Variants in RANBP2 observed in about 807,000 individuals in gnomAD.
RANBP2 encodes RAN binding protein 2.
A neutral mutation model predicts 303.6 loss-of-function variants in RANBP2; 57 were observed. The ratio of observed to expected loss-of-function variants is 0.19; its 90% CI spans 0.15 to 0.23. The LOEUF is 0.23. Ranked by LOEUF, RANBP2 falls within the 10% of genes least tolerant of loss-of-function variation. The pLI is 1.00. For missense variants in RANBP2, 3,138 were observed against 3,780.8 expected, an observed-to-expected ratio of 0.83 and a Z score of 4.46; for synonymous variants, 1,167 against 1,301.5, an observed-to-expected ratio of 0.90 and a Z score of 2.23.
the RANBP2 span, among the ~76,000 whole-genome samples, chr2:109,358,802 T>A: frequency 1.3e-5 from 2 of 152,260 alleles, no homozygotes. Flanking sequence ...GTCTAACTTA[T>A]CAATTCTTTC....
chr2:108,762,068 A>G, intron 18 of RANBP2, 33 bp from the exon 19 acceptor site: 1 of 1,596,476 alleles, frequency 6.3e-7, no homozygotes, highest in Non-Finnish European at 8.5e-7. Flanking sequence ...AGACTTTAAC[A>G]GTGTTTTCTT....
chr2:109,715,266 C>G, the RANBP2 span, among the ~76,000 whole-genome samples: 1 of 152,038 alleles, frequency 6.6e-6, no homozygotes, highest in Non-Finnish European at 1.5e-5. Context: ...AATGCCCAGC[C>G]TATAGTACTT....
At chr2:108,729,062 TTAC>T in intron 1 of RANBP2, 67 bp from the exon 2 acceptor site, 1 of 1,501,726 alleles carries the variant, frequency 6.7e-7, no homozygotes, top group Middle Eastern at 2.4e-4. Context: ...GGACAGATTT[TTAC>T]TACTTTTGAA....
the RANBP2 span, among the ~76,000 whole-genome samples, chr2:109,622,452 A>G: frequency 6.6e-6 from 1 of 152,248 alleles, no homozygotes; most frequent in Admixed American, 6.5e-5. Flanking sequence ...AAAAACAAGC[A>G]TTAATGATTG....
the RANBP2 span, among the ~76,000 whole-genome samples, chr2:108,863,544 C>G: frequency 3.3e-5 from 5 of 152,158 alleles, no homozygotes; most frequent in Admixed American, 6.5e-5. Flanking sequence ...TGGGCATCAT[C>G]AAGACTTGGG....
At chr2:108,869,026 A>G in the RANBP2 span, among the ~76,000 whole-genome samples, 17 of 152,246 alleles carry the variant, frequency 1.1e-4, no homozygotes, top group South Asian at 6.2e-4. Flanking sequence ...CTTTATAAAA[A>G]TTTTGTTTTG....
At chr2:108,750,761 G>T (rs1307216185) in intron 9 of RANBP2, among the ~76,000 whole-genome samples, 1 of 151,986 alleles carries the variant, frequency 6.6e-6, no homozygotes, top group Non-Finnish European at 1.5e-5. Flanking sequence ...CTAATTTTTT[G>T]TGTTTTTAGT....
At chr2:109,799,180 A>G in the RANBP2 span, among the ~76,000 whole-genome samples, 1 of 85,662 alleles carries the variant, frequency 1.2e-5, no homozygotes, top group Non-Finnish European at 2.2e-5. Flanking sequence ...CAGAGGTTGC[A>G]GTGAGCTGAG....
the RANBP2 span, among the ~76,000 whole-genome samples, chr2:109,043,214 ACTTAC>A: frequency 6.6e-6 from 1 of 152,182 alleles, no homozygotes. Flanking sequence ...GCCAGAAACA[ACTTAC>A]CTTTAGTGCG....
chr2:108,909,763 G>T, the RANBP2 span, among the ~76,000 whole-genome samples: 1 of 152,240 alleles, frequency 6.6e-6, no homozygotes, highest in Admixed American at 6.5e-5. Flanking sequence ...AGCAGGGGCT[G>T]GTTCCACACC....
At chr2:109,636,271 A>G in the RANBP2 span, among the ~76,000 whole-genome samples, 1 of 152,024 alleles carries the variant, frequency 6.6e-6, no homozygotes, top group Admixed American at 6.6e-5. Context: ...ATGGTTTAGA[A>G]CTCTCATGGT....
chr2:109,667,574 G>C, the RANBP2 span, among the ~76,000 whole-genome samples: 1 of 152,098 alleles, frequency 6.6e-6, no homozygotes, highest in East Asian at 1.9e-4. Flanking sequence ...GAACAGAGGT[G>C]GTTTTGCGGT....
At chr2:108,907,834 C>A in the RANBP2 span, 2 of 1,613,106 alleles carry the variant, frequency 1.2e-6, no homozygotes, top group South Asian at 2.2e-5. Context: ...TCTCACAGCT[C>A]ATCATGGCAC....
At chr2:109,574,361 G>A in the RANBP2 span, among the ~76,000 whole-genome samples, 2 of 146,780 alleles carry the variant, frequency 1.4e-5, no homozygotes, top group Non-Finnish European at 3.0e-5. Context: ...CAGGAGGATC[G>A]TTTGAGCCCA....
the RANBP2 span, among the ~76,000 whole-genome samples, chr2:109,058,841 G>A: frequency 6.6e-6 from 1 of 152,176 alleles, no homozygotes. Flanking sequence ...AGGCTAATGG[G>A]GGCAGTGAGT....
the RANBP2 span, among the ~76,000 whole-genome samples, chr2:109,422,074 C>T: frequency 2.6e-5 from 4 of 152,348 alleles, no homozygotes; most frequent in South Asian, 4.1e-4. Context: ...CATACCCTAC[C>T]AGTGGCAAGT....
chr2:109,536,278 A>G, the RANBP2 span, among the ~76,000 whole-genome samples: 4 of 152,140 alleles, frequency 2.6e-5, no homozygotes, highest in Non-Finnish European at 5.9e-5. Context: ...ACGAGGGAGG[A>G]TATACCTTGC....
the RANBP2 span, among the ~76,000 whole-genome samples, chr2:109,748,904 A>G: frequency 2.0e-5 from 1 of 50,228 alleles, no homozygotes; most frequent in Non-Finnish European, 5.6e-5. Context: ...ATAAATAAAT[A>G]AATAAAGACT....
chr2:109,445,765 G>A, the RANBP2 span, among the ~76,000 whole-genome samples: 4 of 152,112 alleles, frequency 2.6e-5, no homozygotes, highest in Non-Finnish European at 5.9e-5. Context: ...AGGGGGGTTG[G>A]CTTGGAGTTG....
Sources: gnomAD v4.1 joint callset for allele counts (sites outside exome capture counted in the v4.1 genomes callset) on GRCh38, gnomAD v4.1.1 for gene constraint, MANE v1.5 for transcripts, NCBI Gene and HGNC (gene_info 2026-07-23, HGNC 2026-07-21) for gene names.